SLC25A23: variants seen among roughly 807,000 people sequenced by gnomAD.
SLC25A23 encodes the protein solute carrier family 25 member 23.
In SLC25A23, 32 loss-of-function variants were observed where a neutral mutation model predicts 53.9. The observed-to-expected ratio is 0.59, with a 90% CI of 0.45 to 0.80. SLC25A23 has a LOEUF of 0.80. Ranked by LOEUF, SLC25A23 falls within the 30% of genes least tolerant of loss-of-function variation. SLC25A23 has a pLI of 0.00. For missense variants in SLC25A23, 575 were observed against 651.4 expected (o/e 0.88, Z 1.28); for synonymous variants, 275 against 264.5 (o/e 1.04, Z -0.38).
chr19:6,438,182 G>T (rs1179633834), downstream of SLC25A23: 1 of 152,152 alleles, frequency 6.6e-6, no homozygotes, highest in Admixed American at 6.6e-5. Flanking sequence ...CAGTTGTGGT[G>T]GTGTGCACCT....
Position 6,454,522 on chromosome 19 carries a change from C to T in SLC25A23, c.642+37G>A, listed in dbSNP as rs761827163. ...TGGAGGTCCCCTCCCAGGTGTCAGGCCTGGGGGAGGGGGCAGGTCTCTCCA... is the reference window on the plus strand; with the variant it reads ...TGGAGGTCCCCTCCCAGGTGTCAGGTCTGGGGGAGGGGGCAGGTCTCTCCA... On this transcript the variant is annotated intron_variant, in intron 5 of 9. Coordinates refer to ENST00000301454, the MANE Select transcript of SLC25A23 (RefSeq NM_024103.3). This position sits in a 1 kb window ranked among gnomAD's most constrained non-coding sequence, Gnocchi z 4.3. 9 of 1,613,032 alleles carry T rather than the reference C, an allele frequency of 5.6e-6. No homozygotes were observed. In the East Asian group the frequency reaches 1.8e-4, roughly 32 times the overall value.
rs540029962 is a variant in SLC25A23 at position 6,445,289 on chromosome 19, A to G, written c.1072-988T>C. On this transcript the variant is annotated intron_variant, in intron 8 of 9. Transcript: ENST00000301454. ...ACGCCCAGCTAATTTTTGTATTATT[A>G]GTAGAGATGGGGTTTCACCATGTTG... is the stretch of plus-strand genomic sequence containing the variant. Among the ~76,000 whole-genome samples the G allele has an allele frequency of 5.3e-5, 8 of 151,782 alleles. No homozygotes were observed. In the South Asian group the frequency reaches 1.7e-3, roughly 32 times the overall value.
intron 8 of SLC25A23, among the ~76,000 whole-genome samples, chr19:6,451,080 GAAA>G (rs768302760): frequency 8.9e-6 from 1 of 112,036 alleles, no homozygotes. Flanking sequence ...TCTGTCTCGG[GAAA>G]AAAAAAAAAA....
At position 6,443,637 on chromosome 19, in the gene SLC25A23, C is replaced by T. The variant is rs560422668; in HGVS notation, c.1222+514G>A. ...GCTCTATGAGGGTGGGGACCGTGTC[C>T]GTCTTGTACACTGACACATCTCCAG... On this transcript the variant is annotated intron_variant, in intron 9 of 9. Transcript: ENST00000301454. The T allele has an allele frequency of 5.4e-4, 381 of 701,710 alleles. 2 individuals carry two copies. Among genetic ancestry groups the T allele is most frequent in the East Asian group, 5.0e-3 (185 of 37,262 alleles). 43.5% of individuals were successfully genotyped at this position (701,710 alleles called of 1,614,324 possible). A position where few individuals can be genotyped will look rare whatever the true frequency, so the allele number is the denominator to read the frequency against.
chr19:6,441,941 G>T lies in SLC25A23; in HGVS notation c.*34C>A, dbSNP rs1323016448. On this transcript the variant is annotated 3_prime_UTR_variant, in exon 10 of 10. Transcript: ENST00000301454. ...CAGTCTCCAGTGGCTGAGGTGTGGG[G>T]GGTGAGGGATTGGGGGGACGGGCTC... 3 of 1,597,632 alleles carry T rather than the reference G, an allele frequency of 1.9e-6. No homozygotes were observed. The highest frequency in any genetic ancestry group is 2.2e-5 in the East Asian group (1 of 44,772).
chr19:6,459,481 C>T lies in SLC25A23; in HGVS notation c.148G>A (p.Ala50Thr), dbSNP rs1157497015. 1.3e-5 allele frequency: 20 copies of T among 1,588,840 alleles called. No homozygotes were observed. The highest frequency in any genetic ancestry group is 1.7e-5 in the Non-Finnish European group (20 of 1,174,418). The change falls in exon 1 of 10, where the codon GCC becomes ACC. Residue 50 changes from alanine to threonine, a missense_variant. Transcript: ENST00000301454. The surrounding 1 kb of genome is among the most constrained non-coding windows in gnomAD (Gnocchi z 4.6). ...RLGGGNPDPG[A>T]QQGISSEGDA... ...CCTGGGGGTGGGGGTACCTGTTGGG[C>T]GCCGGGGTCTGGGTTGCCCCCGCCC...
At chr19:6,453,672 G>A (rs1347418393) in intron 7 of SLC25A23, among the ~76,000 whole-genome samples, 2 of 152,032 alleles carry the variant, frequency 1.3e-5, no homozygotes, top group Non-Finnish European at 2.9e-5. Flanking sequence ...ATAAACAGTT[G>A]GTGACACCTA....
rs771577567 is a variant in SLC25A23 at position 6,454,489 on chromosome 19, C to T, written c.643-14G>A. 30 of 1,613,720 alleles carry T rather than the reference C, an allele frequency of 1.9e-5. No homozygotes were observed. Among genetic ancestry groups the T allele is most frequent in the Non-Finnish European group, 2.5e-5 (30 of 1,179,956 alleles). On this transcript the variant is annotated splice_polypyrimidine_tract_variant and intron_variant, in intron 5 of 9. Transcript: ENST00000301454. This position sits in a 1 kb window ranked among gnomAD's most constrained non-coding sequence, Gnocchi z 4.3. The stretch of plus-strand genomic sequence containing the variant: ...TGAGGCATGGACCTGAATGGGGAGA[C>T]AACAGCTTGGAGGTCCCCTCCCAGG...
At chr19:6,451,422 G>A (rs7247153) in intron 8 of SLC25A23, among the ~76,000 whole-genome samples, 71,889 of 152,036 alleles carry the variant, frequency 0.47, 19,120 homozygotes, top group African/African-American at 0.73. Context: ...AAATAATTTC[G>A]AGACAGCAGT....
downstream of SLC25A23, among the ~76,000 whole-genome samples, chr19:6,439,422 C>T (rs2092384341): frequency 6.6e-6 from 1 of 151,594 alleles, no homozygotes; most frequent in South Asian, 2.1e-4. Context: ...CACACACACA[C>T]ACACACACAC....
chr19:6,454,806 C>T lies in SLC25A23; in HGVS notation c.484-89G>A. On this transcript the variant is annotated intron_variant, in intron 4 of 9. Transcript: ENST00000301454. This position sits in a 1 kb window ranked among gnomAD's most constrained non-coding sequence, Gnocchi z 4.3. The stretch of plus-strand genomic sequence containing the variant: ...AAATAGGGGAGTCTCCTCTATGAAT[C>T]CTAGGATACCCTAGAGTCTGCCAAT... 1 of 1,446,644 alleles carries T rather than the reference C, an allele frequency of 6.9e-7. No homozygotes were observed. Among genetic ancestry groups the T allele is most frequent in the Non-Finnish European group, 9.4e-7 (1 of 1,058,846 alleles). 89.6% of individuals were successfully genotyped at this position (1,446,644 alleles called of 1,614,324 possible).
Position 6,445,156 on chromosome 19 carries a change from C to T in SLC25A23, c.1072-855G>A, listed in dbSNP as rs1039534330. Among the ~76,000 whole-genome samples the T allele has an allele frequency of 4.0e-5, 6 of 150,386 alleles. No homozygotes were observed. In the South Asian group the frequency reaches 1.1e-3, roughly 26 times the overall value. On this transcript the variant is annotated intron_variant, in intron 8 of 9. Coordinates refer to ENST00000301454, the MANE Select transcript of SLC25A23 (RefSeq NM_024103.3). ...CGGAGTTTCGTTCTCGTTGCCCAGGCAGGAGTGCAATGGTGCAATCTCGGC... is the reference window on the plus strand; with the variant it reads ...CGGAGTTTCGTTCTCGTTGCCCAGGTAGGAGTGCAATGGTGCAATCTCGGC...
rs747086152 is a variant in SLC25A23, at chr19:6,454,024, G to C, written c.860C>G (p.Ser287Cys). The change falls in exon 7 of 10, where the codon TCC (serine) becomes TGC (cysteine). Residue 287 changes from serine (S) to cysteine (C), a missense_variant. Physicochemically the swap from Ser to Cys is moderately radical, Grantham distance 112 (BLOSUM62 -1). Transcript: ENST00000301454. The surrounding 1 kb of genome is among the most constrained non-coding windows in gnomAD (Gnocchi z 4.3). ...GGTTTGGGCTGTGGCACCAGCCAGG[G>C]AGCCAGCCACGAAGCGCTCCTGCAC... ...LHVQERFVAG[S>C]LAGATAQTII... 1 of 1,613,532 alleles carries C rather than the reference G, an allele frequency of 6.2e-7. No individual in the cohort carries two copies. The highest frequency in any genetic ancestry group is 8.5e-7 in the Non-Finnish European group (1 of 1,179,984).
At chr19:6,443,628 G>A (rs999044805) in intron 9 of SLC25A23, 1 of 702,626 alleles carries the variant, frequency 1.4e-6, no homozygotes. Flanking sequence ...TGAGGGTGGG[G>A]ACCGTGTCCG....
chr19:6,452,550 A>G (rs1033613256), intron 7 of SLC25A23, 71 bp from the exon 8 acceptor site: 6 of 1,510,644 alleles, frequency 4.0e-6, no homozygotes, highest in Non-Finnish European at 5.3e-6. Context: ...GAAGACACCT[A>G]GAAATAGCTA....
Position 6,457,551 on chromosome 19 carries a change from G to T in SLC25A23, c.323C>A (p.Ala108Asp). 1 of 1,614,074 alleles carries T rather than the reference G, an allele frequency of 6.2e-7. No individual in the cohort carries two copies. The highest frequency in any genetic ancestry group is 8.5e-7 in the Non-Finnish European group (1 of 1,180,016). Residue 108 changes from alanine (A) to aspartate (D), a missense_variant, in exon 3 of 10, where the codon GCT becomes GAT. Ala to Asp is a moderately radical substitution (Grantham distance 126, BLOSUM62 -2). Transcript: ENST00000301454. ...CTCCAGCGAGATGGAAATGCCCAGA[G>T]CTCGGAAACTCTGTTGGATCTCAGA... ...DVSEIQQSFRALGISISLEQA... is the reference protein window; with the variant it reads ...DVSEIQQSFRDLGISISLEQA...
chr19:6,443,515 A>G, intron 9 of SLC25A23: 3 of 688,472 alleles, frequency 4.4e-6, no homozygotes, highest in Non-Finnish European at 7.9e-6. Context: ...GATGTGAGCC[A>G]CTGTGCCCGG....
rs539939218 is a variant in SLC25A23 at position 6,441,763 on chromosome 19, G to T, written c.*212C>A. On this transcript the variant is annotated 3_prime_UTR_variant, in exon 10 of 10. Transcript: ENST00000301454. ...ATCTAGTGGCTGAAGGGTGGGGATC[G>T]CATGACCCAGTGGTTGGGGCATAGG... 3.5e-6 allele frequency: 2 copies of T among 575,048 alleles called. No individual in the cohort carries two copies. Among genetic ancestry groups the T allele is most frequent in the Non-Finnish European group, 3.1e-6 (1 of 322,164 alleles). The allele number at this position is 575,048 out of a possible 1,614,324, so 35.6% of individuals were successfully genotyped here. A position where few individuals can be genotyped will look rare whatever the true frequency, so the allele number is the denominator to read the frequency against.
downstream of SLC25A23, among the ~76,000 whole-genome samples, chr19:6,439,399 T>TCACACACACACACA (rs57370920): frequency 2.4e-5 from 3 of 123,988 alleles, no homozygotes; most frequent in Admixed American, 7.8e-5. Context: ...TCTCTCTCTC[T>TCACACACACACACA]CACACACACA....
Sources: gnomAD v4.1 joint callset for allele counts (sites outside exome capture counted in the v4.1 genomes callset) on GRCh38, gnomAD v4.1.1 for gene constraint, Gnocchi (gnomAD v3.1) non-coding constraint, MANE v1.5 for transcripts, NCBI Gene and HGNC (gene_info 2026-07-23, HGNC 2026-07-21) for gene names.